The following PRKCI variants were observed in gnomAD, a reference collection of about 807,000 sequenced individuals.
PRKCI encodes the protein protein kinase C iota type.
A neutral mutation model predicts 84.0 loss-of-function variants in PRKCI; 43 were observed. That is an observed-to-expected ratio of 0.51 (90% CI 0.40 to 0.66). The LOEUF (loss-of-function observed/expected upper bound fraction) is 0.66, where lower values mean the gene tolerates loss of function less well. Among genes scored for constraint, PRKCI ranks in the 30% least tolerant of loss-of-function variants. PRKCI has a pLI of 0.00. For missense variants in PRKCI, 459 were observed against 745.6 expected, an observed-to-expected ratio of 0.62 and a Z score of 4.48; for synonymous variants, 216 against 234.4, an observed-to-expected ratio of 0.92 and a Z score of 0.72.
At chr3:170,280,149 G>A in intron 8 of PRKCI, 78 bp from the exon 9 acceptor site, 1 of 1,224,424 alleles carries the variant, frequency 8.2e-7, no homozygotes, top group Non-Finnish European at 1.1e-6. Flanking sequence ...ATCGTTATAG[G>A]TACAACTAGG....
intron 2 of PRKCI, among the ~76,000 whole-genome samples, chr3:170,235,604 C>T (rs1157272786): frequency 2.1e-5 from 3 of 144,990 alleles, no homozygotes; most frequent in East Asian, 2.1e-4. Flanking sequence ...CTCGCTCTAT[C>T]GCCCAGGCTA....
chr3:170,264,090 G>GT (rs1733800514), intron 4 of PRKCI, among the ~76,000 whole-genome samples: 1 of 151,720 alleles, frequency 6.6e-6, no homozygotes, highest in Non-Finnish European at 1.5e-5. Flanking sequence ...AATTTTTAAC[G>GT]TTTTCCCTGT....
At chr3:170,282,075 A>G (rs566187514) in intron 11 of PRKCI, 107 bp downstream of exon 11, 1 of 1,173,468 alleles carries the variant, frequency 8.5e-7, no homozygotes, top group Admixed American at 2.7e-5. Flanking sequence ...ATACTAGTTA[A>G]TTATTTGTAA....
chr3:170,256,625 A>C (rs1267001144), intron 2 of PRKCI, among the ~76,000 whole-genome samples: 1 of 152,038 alleles, frequency 6.6e-6, no homozygotes, highest in Non-Finnish European at 1.5e-5. Context: ...TCAAGTTTAC[A>C]TTTTGTTGAT....
At position 170,234,839 on chromosome 3, in the gene PRKCI, G is replaced by A. The variant is rs531825737; in HGVS notation, c.102-391G>A. ...TTATTTTTTTGACACAGTCTCCTCT[G>A]TTGCCCAGGCTGGAGTGCAGTGATG... On this transcript the variant is annotated intron_variant, in intron 1 of 17. Transcript: ENST00000295797. 5.2e-4 allele frequency among the ~76,000 whole-genome samples: 79 copies of A among 151,992 alleles called. 2 individuals carry two copies. In the South Asian group the frequency reaches 0.016, roughly 32 times the overall value.
rs988091129 is a variant in PRKCI at position 170,281,151 on chromosome 3, CAT to C, written c.883-14_883-13del. 8 of 1,600,138 alleles carry C rather than the reference CAT, an allele frequency of 5.0e-6. No homozygotes were observed. Among genetic ancestry groups the C allele is most frequent in the African/African-American group, 2.7e-5 (2 of 74,592 alleles). Reference sequence around the variant, plus strand: ...ATATCAGTTTGACATAGATTTCTTACATGTTTCAAAATAGGATATTGATTGGG... The same window carrying C: ...ATATCAGTTTGACATAGATTTCTTACGTTTCAAAATAGGATATTGATTGGG... On this transcript the variant is annotated splice_polypyrimidine_tract_variant and intron_variant, in intron 9 of 17. Transcript: ENST00000295797.
chr3:170,271,685 GTCT>G (rs1219534991), intron 6 of PRKCI, among the ~76,000 whole-genome samples: 33 of 152,080 alleles, frequency 2.2e-4, no homozygotes, highest in South Asian at 6.2e-4. Flanking sequence ...GTATGTTATT[GTCT>G]TCTTTATTCT....
chr3:170,263,549 C>A, intron 4 of PRKCI, 120 bp downstream of exon 4: 1 of 767,750 alleles, frequency 1.3e-6, no homozygotes, highest in Non-Finnish European at 2.1e-6. Context: ...TGCCTGTAAT[C>A]CCAGCACTGT....
In PRKCI at chr3:170,280,307, A is replaced by G. The variant is rs762129404; in HGVS notation, c.786A>G (p.Arg262=). ...QDFDLLRVIG[R]GSYAKVLLVR... ...TTGATTTGCTCCGGGTAATAGGAAG[A>G]GGAAGTTATGCCAAAGTACTGTTGG... Residue 262 remains arginine (R), a synonymous_variant, in exon 9 of 18, where the codon AGA becomes AGG. Coordinates refer to ENST00000295797, the MANE Select transcript of PRKCI (RefSeq NM_002740.6). The G allele has an allele frequency of 5.7e-5, 92 of 1,613,680 alleles. No homozygotes were observed. The highest frequency in any genetic ancestry group is 7.5e-5 in the Non-Finnish European group (88 of 1,179,934).
intron 12 of PRKCI, among the ~76,000 whole-genome samples, chr3:170,288,059 C>T (rs1277004622): frequency 2.0e-5 from 3 of 151,856 alleles, no homozygotes; most frequent in African/African-American, 7.2e-5. Flanking sequence ...TCCTGGCTAA[C>T]ATGGTGAAAC....
At chr3:170,288,505 T>C (rs1177078387) in intron 12 of PRKCI, among the ~76,000 whole-genome samples, 1 of 152,106 alleles carries the variant, frequency 6.6e-6, no homozygotes, top group Non-Finnish European at 1.5e-5. Context: ...TTCCAGCACT[T>C]TGGGAGGCCA....
intron 13 of PRKCI, among the ~76,000 whole-genome samples, chr3:170,292,569 C>G (rs1004567302): frequency 6.6e-6 from 1 of 152,174 alleles, no homozygotes. Flanking sequence ...CTGTCCTTCA[C>G]TGGTCTTTAT....
intron 3 of PRKCI, among the ~76,000 whole-genome samples, chr3:170,261,414 C>T (rs1043838658): frequency 6.7e-6 from 1 of 149,744 alleles, no homozygotes; most frequent in Admixed American, 6.7e-5. Context: ...CATTTCAGTG[C>T]CTTATTATTA....
chr3:170,232,677 G>A (rs1373245433), intron 1 of PRKCI, among the ~76,000 whole-genome samples: 1 of 151,726 alleles, frequency 6.6e-6, no homozygotes, highest in Non-Finnish European at 1.5e-5. Context: ...AATGATTCTC[G>A]TGAGTAGCTG....
At chr3:170,289,679 G>A (rs1378810854) in intron 12 of PRKCI, among the ~76,000 whole-genome samples, 7 of 152,080 alleles carry the variant, frequency 4.6e-5, no homozygotes, top group African/African-American at 9.7e-5. Flanking sequence ...TTGGGAGGCC[G>A]AGGCGGGTGG....
At chr3:170,230,325 C>T (rs1007663476) in intron 1 of PRKCI, among the ~76,000 whole-genome samples, 2 of 152,028 alleles carry the variant, frequency 1.3e-5, no homozygotes, top group Admixed American at 6.6e-5. Flanking sequence ...GCCACAACAC[C>T]CGGCTAATTT....
intron 14 of PRKCI, 88 bp downstream of exon 14, chr3:170,293,596 G>A: frequency 1.5e-6 from 2 of 1,372,522 alleles, no homozygotes; most frequent in Non-Finnish European, 2.0e-6. Context: ...CTTTGAGTAA[G>A]AAAAATGAGC....
At chr3:170,247,069 CTTT>C (rs1270101194) in intron 2 of PRKCI, among the ~76,000 whole-genome samples, 1 of 151,720 alleles carries the variant, frequency 6.6e-6, no homozygotes, top group Admixed American at 6.6e-5. Flanking sequence ...GCTTTTAAGA[CTTT>C]TTTGTTTTGT....
chr3:170,231,013 G>A (rs1351781526), intron 1 of PRKCI, among the ~76,000 whole-genome samples: 2 of 146,684 alleles, frequency 1.4e-5, no homozygotes, highest in African/African-American at 5.1e-5. Context: ...AGGCTGGAGC[G>A]CAGTGGCGTG....
Sources: gnomAD v4.1 joint callset for allele counts (sites outside exome capture counted in the v4.1 genomes callset) on GRCh38, gnomAD v4.1.1 for gene constraint, MANE v1.5 for transcripts, NCBI Gene and HGNC (gene_info 2026-07-23, HGNC 2026-07-21) for gene names.